The following STARD13 variants were observed in gnomAD, a reference collection of about 807,000 sequenced individuals.
STARD13 encodes stAR-related lipid transfer protein 13.
STARD13 carries 62 observed loss-of-function variants against 106.4 expected under a neutral mutation model. That is an observed-to-expected ratio of 0.58 (90% CI 0.48 to 0.72). STARD13 has a LOEUF of 0.72. Ranked by LOEUF, STARD13 falls within the 30% of genes least tolerant of loss-of-function variation. STARD13 has a pLI of 0.00. For synonymous variants in STARD13, 565 were observed against 553.0 expected, an observed-to-expected ratio of 1.02 and a Z score of -0.31; for missense variants, 1,387 against 1,424.0, an observed-to-expected ratio of 0.97 and a Z score of 0.42.
At chr13:33,449,417 C>T in the STARD13 span, among the ~76,000 whole-genome samples, 1 of 152,004 alleles carries the variant, frequency 6.6e-6, no homozygotes, top group South Asian at 2.1e-4. Flanking sequence ...GGCTGTAGAT[C>T]CATGGATTTA....
chr13:33,384,514 T>C, the STARD13 span, among the ~76,000 whole-genome samples: 1 of 152,180 alleles, frequency 6.6e-6, no homozygotes, highest in Non-Finnish European at 1.5e-5. Flanking sequence ...TAAGCTGCAA[T>C]GAACTTTAAA....
intron 3 of STARD13, among the ~76,000 whole-genome samples, chr13:33,145,504 A>G (rs1880403573): frequency 6.6e-6 from 1 of 150,736 alleles, no homozygotes; most frequent in Non-Finnish European, 1.5e-5. Context: ...AAGAAATCAC[A>G]TGTCCACAAA....
At chr13:33,580,069 C>G in the STARD13 span, among the ~76,000 whole-genome samples, 1 of 151,990 alleles carries the variant, frequency 6.6e-6, no homozygotes, top group Non-Finnish European at 1.5e-5. Flanking sequence ...GGTATTAACC[C>G]AAATGAATTG....
the STARD13 span, among the ~76,000 whole-genome samples, chr13:33,626,259 T>C: frequency 6.6e-6 from 1 of 152,200 alleles, no homozygotes; most frequent in Non-Finnish European, 1.5e-5. Flanking sequence ...AAAGTCAAAC[T>C]ATCTAATCTT....
the STARD13 span, among the ~76,000 whole-genome samples, chr13:33,455,896 A>T: frequency 2.0e-5 from 3 of 152,192 alleles, no homozygotes; most frequent in African/African-American, 7.2e-5. Context: ...GTGAGCCAAG[A>T]TCGCACCACG....
At chr13:33,131,944 T>C (rs1361096550) in intron 4 of STARD13, among the ~76,000 whole-genome samples, 1 of 152,252 alleles carries the variant, frequency 6.6e-6, no homozygotes, top group East Asian at 1.9e-4. Flanking sequence ...TCTTTCAATG[T>C]TTGTTCAATT....
At chr13:33,553,823 C>T in the STARD13 span, among the ~76,000 whole-genome samples, 2 of 152,016 alleles carry the variant, frequency 1.3e-5, no homozygotes, top group African/African-American at 4.8e-5. Context: ...CATAATCCAC[C>T]TGCCTCAGCC....
intron 1 of STARD13, among the ~76,000 whole-genome samples, chr13:33,338,031 C>T (rs1037328521): frequency 3.9e-5 from 6 of 152,294 alleles, no homozygotes; most frequent in African/African-American, 7.2e-5. Context: ...TTGCAGGCTC[C>T]GGACTCCTGA....
intron 1 of STARD13, among the ~76,000 whole-genome samples, chr13:33,279,200 A>C (rs987753429): frequency 6.6e-6 from 1 of 152,146 alleles, no homozygotes; most frequent in African/African-American, 2.4e-5. Context: ...TTTATATAAG[A>C]GTTTTGCCAA....
At chr13:33,444,166 G>A in the STARD13 span, among the ~76,000 whole-genome samples, 4 of 152,128 alleles carry the variant, frequency 2.6e-5, no homozygotes, top group African/African-American at 4.8e-5. Flanking sequence ...AACATTTGCC[G>A]AGTGCTTAGT....
At chr13:33,497,997 C>T in the STARD13 span, among the ~76,000 whole-genome samples, 1 of 152,186 alleles carries the variant, frequency 6.6e-6, no homozygotes, top group East Asian at 1.9e-4. Context: ...TAACAACCAA[C>T]TTTTTACTAG....
chr13:33,326,549 A>G (rs2077777677), intron 1 of STARD13, among the ~76,000 whole-genome samples: 2 of 152,196 alleles, frequency 1.3e-5, no homozygotes, highest in South Asian at 2.1e-4. Context: ...GAGTGATATA[A>G]TGGTGTTTTC....
At chr13:33,148,899 G>A (rs1328734613) in intron 3 of STARD13, among the ~76,000 whole-genome samples, 1 of 152,176 alleles carries the variant, frequency 6.6e-6, no homozygotes, top group Non-Finnish European at 1.5e-5. Context: ...GAGCTATCAA[G>A]CCATGAAAAG....
the STARD13 span, among the ~76,000 whole-genome samples, chr13:33,426,775 T>G: frequency 6.6e-6 from 1 of 152,178 alleles, no homozygotes; most frequent in Non-Finnish European, 1.5e-5. Flanking sequence ...TATGTTGTAT[T>G]AAGAGGTCAC....
intron 1 of STARD13, among the ~76,000 whole-genome samples, chr13:33,274,287 C>T (rs1891307681): frequency 6.6e-6 from 1 of 151,980 alleles, no homozygotes; most frequent in African/African-American, 2.4e-5. Flanking sequence ...GGCCCCAATC[C>T]AATACGACTG....
At chr13:33,650,024 G>C in the STARD13 span, among the ~76,000 whole-genome samples, 3 of 151,920 alleles carry the variant, frequency 2.0e-5, no homozygotes, top group African/African-American at 4.8e-5. Flanking sequence ...TCAGCCACTT[G>C]AGTGCCAAAT....
chr13:33,530,005 A>G, the STARD13 span, among the ~76,000 whole-genome samples: 1 of 152,162 alleles, frequency 6.6e-6, no homozygotes, highest in Non-Finnish European at 1.5e-5. Context: ...AATTGAGAAA[A>G]TTAGAAAAGA....
the STARD13 span, among the ~76,000 whole-genome samples, chr13:33,496,649 T>C: frequency 6.6e-6 from 1 of 152,098 alleles, no homozygotes; most frequent in African/African-American, 2.4e-5. Context: ...AGCATCCAAA[T>C]GGCTTCCATG....
chr13:33,578,747 G>A, the STARD13 span, among the ~76,000 whole-genome samples: 1 of 151,926 alleles, frequency 6.6e-6, no homozygotes, highest in African/African-American at 2.4e-5. Context: ...TGCAAACTAT[G>A]CACCTGACAA....
Sources: gnomAD v4.1 joint callset for allele counts (sites outside exome capture counted in the v4.1 genomes callset) on GRCh38, gnomAD v4.1.1 for gene constraint, MANE v1.5 for transcripts, NCBI Gene and HGNC (gene_info 2026-07-23, HGNC 2026-07-21) for gene names.